ATP8A1: variants seen among roughly 807,000 people sequenced by gnomAD.
ATP8A1 encodes phospholipid-transporting ATPase IA.
Under a neutral mutation model 177.7 loss-of-function variants are expected in ATP8A1, and 90 were observed. That is an observed-to-expected ratio of 0.51 (90% confidence interval 0.43 to 0.60). ATP8A1 has a LOEUF of 0.60. Ranked by LOEUF, ATP8A1 falls within the 20% of genes least tolerant of loss-of-function variation. The pLI, the probability that ATP8A1 is intolerant of heterozygous loss-of-function variation, is 0.00. For synonymous variants in ATP8A1, 493 were observed against 485.9 expected (o/e 1.01, Z -0.19); for missense variants, 1,072 against 1,392.8 (o/e 0.77, Z 3.67).
chr4:42,486,374 A>G (rs1203216098), intron 24 of ATP8A1, among the ~76,000 whole-genome samples: 1 of 152,182 alleles, frequency 6.6e-6, no homozygotes, highest in African/African-American at 2.4e-5. Flanking sequence ...GTCGGGGCAA[A>G]TATTTAGGCT....
In ATP8A1 at chr4:42,635,778, C is replaced by CATATATAT. The variant is rs1279984098; in HGVS notation, c.50-8670_50-8669insATATATAT. Among the ~76,000 whole-genome samples the CATATATAT allele has an allele frequency of 3.7e-3, 125 of 33,586 alleles. 2 individuals are homozygous for CATATATAT. The highest frequency in any genetic ancestry group is 0.02 in the Middle Eastern group (1 of 50). 22.0% of individuals were successfully genotyped at this position (33,586 alleles called of 152,430 possible). ...ATACACACACACACACACACACACACACACATATATATATATATATATATA... is the reference window on the plus strand; with the variant it reads ...ATACACACACACACACACACACACACATATATATACACATATATATATATATATATATA... On this transcript the variant is annotated intron_variant, in intron 1 of 36. Transcript: ENST00000381668.
intron 15 of ATP8A1, among the ~76,000 whole-genome samples, chr4:42,564,673 A>G (rs1731179319): frequency 6.6e-6 from 1 of 152,206 alleles, no homozygotes; most frequent in South Asian, 2.1e-4. Flanking sequence ...TTTTGATTTT[A>G]CAGGCTCATA....
chr4:42,527,226 C>T (rs1346558089), intron 20 of ATP8A1, among the ~76,000 whole-genome samples: 1 of 152,182 alleles, frequency 6.6e-6, no homozygotes. Context: ...GAAAAACAGA[C>T]ACAAGCTGTT....
chr4:42,591,192 AC>A (rs1191806744), intron 6 of ATP8A1, among the ~76,000 whole-genome samples: 2 of 152,088 alleles, frequency 1.3e-5, no homozygotes, highest in Non-Finnish European at 2.9e-5. Flanking sequence ...TTTATAGAGA[AC>A]TACATTATAG....
chr4:42,456,233 T>C (rs1718472774), intron 27 of ATP8A1, among the ~76,000 whole-genome samples: 2 of 152,176 alleles, frequency 1.3e-5, no homozygotes, highest in Middle Eastern at 3.2e-3. Flanking sequence ...TGTAACTATT[T>C]TGGACATTTA....
intron 22 of ATP8A1, among the ~76,000 whole-genome samples, chr4:42,520,125 C>A (rs1028513488): frequency 6.6e-6 from 1 of 152,104 alleles, no homozygotes. Flanking sequence ...AAAATCTAAT[C>A]TATAAAAAAC....
chr4:42,623,171 C>A (rs1254895613), intron 4 of ATP8A1, among the ~76,000 whole-genome samples: 2 of 152,024 alleles, frequency 1.3e-5, no homozygotes, highest in Non-Finnish European at 2.9e-5. Flanking sequence ...GTCACAATGG[C>A]ATTTATTAAA....
At chr4:42,523,694 G>A (rs904434016) in intron 21 of ATP8A1, among the ~76,000 whole-genome samples, 1 of 152,140 alleles carries the variant, frequency 6.6e-6, no homozygotes, top group Admixed American at 6.6e-5. Context: ...ATCTAGAGAG[G>A]AGAAAGATGC....
intron 20 of ATP8A1, among the ~76,000 whole-genome samples, chr4:42,532,956 G>C (rs539723754): frequency 4.6e-5 from 7 of 152,112 alleles, no homozygotes; most frequent in African/African-American, 1.7e-4. Context: ...CCAAACCTAT[G>C]AGAACTAATG....
At chr4:42,532,018 T>C (rs1337707840) in intron 20 of ATP8A1, among the ~76,000 whole-genome samples, 2 of 151,866 alleles carry the variant, frequency 1.3e-5, no homozygotes, top group African/African-American at 2.4e-5. Flanking sequence ...GGAAGGATCA[T>C]GTGAGCACAG....
At chr4:42,581,150 T>C (rs1732999290) in intron 10 of ATP8A1, among the ~76,000 whole-genome samples, 1 of 152,118 alleles carries the variant, frequency 6.6e-6, no homozygotes, top group African/African-American at 2.4e-5. Context: ...TATTTTTTTT[T>C]TGAGACGGAG....
At chr4:42,589,754 A>G (rs960955178) in intron 7 of ATP8A1, among the ~76,000 whole-genome samples, 31 of 152,240 alleles carry the variant, frequency 2.0e-4, no homozygotes, top group African/African-American at 7.2e-4. Flanking sequence ...ATGAATTTAT[A>G]AAACACACCT....
intron 25 of ATP8A1, among the ~76,000 whole-genome samples, chr4:42,468,456 CACACACATACACAT>C: frequency 6.6e-6 from 1 of 150,510 alleles, no homozygotes; most frequent in Non-Finnish European, 1.5e-5. Context: ...CACACACAGA[CACACACATACACAT>C]ATATGAATGA....
rs149763000 is a variant in ATP8A1 at position 42,490,211 on chromosome 4, T to A, written c.2152-4543A>T. On this transcript the variant is annotated intron_variant, in intron 24 of 36. Transcript: ENST00000381668. ...ACAGCACCACACAGACAGAGCCCAGTGCTCACTGGAAGCCCTTAGCCTGAA... is the reference window on the plus strand; with the variant it reads ...ACAGCACCACACAGACAGAGCCCAGAGCTCACTGGAAGCCCTTAGCCTGAA... Among the ~76,000 whole-genome samples, 188 of 152,332 alleles carry A rather than the reference T, an allele frequency of 1.2e-3. 1 individual carries two copies. In the Middle Eastern group the frequency reaches 0.017, roughly 14 times the overall value.
In ATP8A1 at chr4:42,605,603, C is replaced by T. The variant is rs528792116; in HGVS notation, c.410-5085G>A. ...GCCTCCAAATCTGCTGCACTTCTGC[C>T]GTCCTCCTTCAAATCTGCTTGACGC... On this transcript the variant is annotated intron_variant, in intron 5 of 36. Coordinates refer to ENST00000381668, the MANE Select transcript of ATP8A1 (RefSeq NM_006095.2). 3.9e-5 allele frequency among the ~76,000 whole-genome samples: 6 copies of T among 152,266 alleles called. No homozygotes were observed. In the South Asian group the frequency reaches 8.3e-4, roughly 21 times the overall value.
intron 1 of ATP8A1, among the ~76,000 whole-genome samples, chr4:42,648,382 G>A (rs1740761300): frequency 6.6e-6 from 1 of 151,800 alleles, no homozygotes; most frequent in African/African-American, 2.4e-5. Context: ...GGGGGGAAGG[G>A]AAAGAGAGAC....
chr4:42,654,722 C>G (rs1405945245), intron 1 of ATP8A1, among the ~76,000 whole-genome samples: 5 of 152,100 alleles, frequency 3.3e-5, no homozygotes, highest in Non-Finnish European at 7.4e-5. Context: ...TCTTTTTGAG[C>G]CAAACCACAA....
chr4:42,616,144 C>A, intron 4 of ATP8A1, 66 bp from the exon 5 acceptor site: 1 of 1,345,748 alleles, frequency 7.4e-7, no homozygotes, highest in Non-Finnish European at 1.0e-6. Flanking sequence ...CAAGAGAGCA[C>A]TCATACCAAA....
rs1171902112 is a variant in ATP8A1 at position 42,430,239 on chromosome 4, G to A, written c.3124-6534C>T. On this transcript the variant is annotated intron_variant, in intron 33 of 36. Coordinates refer to ENST00000381668, the MANE Select transcript of ATP8A1 (RefSeq NM_006095.2). ...TTCACGCCCTTCCACGTTTGCCTAG[G>A]CCCCCATCATCTTCTGTCTGGAGTG... Among the ~76,000 whole-genome samples, 3 of 151,964 alleles carry A rather than the reference G, an allele frequency of 2.0e-5. No individual in the cohort carries two copies. The East Asian group carries it at 5.8e-4, about 29-fold the overall frequency.
Sources: gnomAD v4.1 joint callset for allele counts (sites outside exome capture counted in the v4.1 genomes callset) on GRCh38, gnomAD v4.1.1 for gene constraint, MANE v1.5 for transcripts, NCBI Gene and HGNC (gene_info 2026-07-23, HGNC 2026-07-21) for gene names.